Variants in ZNF423 observed in about 807,000 individuals in gnomAD.
The protein encoded by ZNF423 is zinc finger protein 423, also known as Ebf-associated zinc finger protein.
A neutral mutation model predicts 95.8 loss-of-function variants in ZNF423; 12 were observed. That is an observed-to-expected ratio of 0.13 (90% CI 0.08 to 0.20). The LOEUF (loss-of-function observed/expected upper bound fraction) is 0.20. Ranked by LOEUF, ZNF423 falls within the 10% of genes least tolerant of loss-of-function variation. The probability of loss-of-function intolerance (pLI) is 1.00; values close to 1 mark genes in which losing one functional copy is unlikely to be tolerated. For missense variants in ZNF423, 1,316 were observed against 1,737.1 expected, an observed-to-expected ratio of 0.76 and a Z score of 4.31; for synonymous variants, 749 against 711.9, an observed-to-expected ratio of 1.05 and a Z score of -0.83.
intron 1 of ZNF423, among the ~76,000 whole-genome samples, chr16:49,851,725 A>G (rs1388416675): frequency 6.6e-6 from 1 of 152,184 alleles, no homozygotes; most frequent in Non-Finnish European, 1.5e-5. Flanking sequence ...TTAACCGTTT[A>G]GCAGGATTCC....
chr16:49,798,191 T>C (rs894829986), intron 1 of ZNF423, among the ~76,000 whole-genome samples: 2 of 151,974 alleles, frequency 1.3e-5, no homozygotes, highest in East Asian at 1.9e-4. Context: ...GCCTGGGTGA[T>C]ACAGCAAGAC....
intron 7 of ZNF423, among the ~76,000 whole-genome samples, chr16:49,522,673 C>G (rs1261702462): frequency 6.6e-6 from 1 of 152,018 alleles, no homozygotes; most frequent in Non-Finnish European, 1.5e-5. Flanking sequence ...TTTGGGGGTG[C>G]AGTGTTGTGC....
chr16:49,656,887 C>T (rs2029900735), intron 3 of ZNF423, among the ~76,000 whole-genome samples: 1 of 152,148 alleles, frequency 6.6e-6, no homozygotes. Context: ...AAAACTGAGG[C>T]TTATAAAGGT....
chr16:49,517,492 G>A (rs12051465), intron 7 of ZNF423, among the ~76,000 whole-genome samples: 1 of 151,808 alleles, frequency 6.6e-6, no homozygotes, highest in African/African-American at 2.4e-5. Context: ...AGGTCAGACT[G>A]GATCCCCTAC....
intron 7 of ZNF423, among the ~76,000 whole-genome samples, chr16:49,494,506 G>T (rs1411600776): frequency 6.6e-6 from 1 of 152,214 alleles, no homozygotes; most frequent in Admixed American, 6.5e-5. Context: ...CGAGGGGCCT[G>T]ATTTAGAGGG....
chr16:49,834,296 C>T (rs1166587717), intron 1 of ZNF423, among the ~76,000 whole-genome samples: 2 of 150,052 alleles, frequency 1.3e-5, no homozygotes, highest in Non-Finnish European at 3.0e-5. Context: ...GAACACAGTG[C>T]TGTGACAATA....
upstream of ZNF423, among the ~76,000 whole-genome samples, chr16:49,859,217 T>G (rs2035405081): frequency 6.6e-6 from 1 of 150,846 alleles, no homozygotes; most frequent in African/African-American, 2.4e-5. Context: ...AGGACGGAGG[T>G]GGGGGCAACA....
chr16:49,582,259 C>A (rs1970698102), intron 5 of ZNF423, among the ~76,000 whole-genome samples: 1 of 152,180 alleles, frequency 6.6e-6, no homozygotes, highest in South Asian at 2.1e-4. Flanking sequence ...CTTCTCATCC[C>A]CCATGGCTTC....
intron 5 of ZNF423, among the ~76,000 whole-genome samples, chr16:49,579,351 G>A (rs1316143781): frequency 6.6e-6 from 1 of 151,834 alleles, no homozygotes; most frequent in Non-Finnish European, 1.5e-5. Flanking sequence ...GACCACACTA[G>A]GGCCCTCAGG....
At chr16:49,599,719 AC>A (rs1009922081) in intron 5 of ZNF423, among the ~76,000 whole-genome samples, 1 of 152,092 alleles carries the variant, frequency 6.6e-6, no homozygotes, top group Non-Finnish European at 1.5e-5. Context: ...GATGGATCTC[AC>A]CAACTAAATG....
chr16:49,840,136 A>C (rs2144090013), intron 1 of ZNF423, among the ~76,000 whole-genome samples: 1 of 152,246 alleles, frequency 6.6e-6, no homozygotes, highest in East Asian at 1.9e-4. Context: ...TGAAACCTAA[A>C]CCGTGCCCCA....
intron 1 of ZNF423, chr16:49,853,913 C>G: frequency 2.0e-6 from 2 of 985,374 alleles, no homozygotes; most frequent in Non-Finnish European, 2.4e-6. Context: ...AAATCAACTG[C>G]CTGAGTTAAA....
rs569611629 is a variant in ZNF423, at chr16:49,557,883, T to G, written c.3602-32389A>C. Among the ~76,000 whole-genome samples the G allele has an allele frequency of 3.9e-5, 6 of 152,106 alleles. No homozygotes were observed. In the South Asian group the frequency reaches 1.2e-3, roughly 32 times the overall value. The stretch of plus-strand genomic sequence containing the variant: ...TCAATTCAATTCTGGCAGCCAGATC[T>G]AGAGAAGGAGTCTGGGCCTGGGCAC... On this transcript the variant is annotated intron_variant, in intron 5 of 7. Transcript: ENST00000563137.
At position 49,853,297 on chromosome 16, in the gene ZNF423, G is replaced by A. The variant is rs1180298994; in HGVS notation, c.40+2438C>T. On this transcript the variant is annotated intron_variant, in intron 1 of 7. Coordinates refer to ENST00000563137, the MANE Select transcript of ZNF423 (RefSeq NM_001379286.1). ...TTGAATATTGCTTAAGAGAAGGGGC[G>A]GGGCGGGGGGGGAGCAGTTCTTGAA... 5.5e-5 allele frequency among the ~76,000 whole-genome samples: 8 copies of A among 146,640 alleles called. 1 individual carries two copies. The South Asian group carries it at 6.7e-4, about 12-fold the overall frequency.
chr16:49,507,362 G>A (rs762052865), intron 7 of ZNF423, among the ~76,000 whole-genome samples: 3 of 151,802 alleles, frequency 2.0e-5, no homozygotes, highest in Admixed American at 6.6e-5. Flanking sequence ...TCAAACTCTT[G>A]ACCTCAAGCC....
chr16:49,745,782 C>T (rs896648785), intron 2 of ZNF423, among the ~76,000 whole-genome samples: 4 of 152,078 alleles, frequency 2.6e-5, no homozygotes, highest in Admixed American at 1.3e-4. Context: ...GATGCCTTGC[C>T]GCTGACCCCC....
At chr16:49,779,267 G>A (rs1259401116) in intron 2 of ZNF423, among the ~76,000 whole-genome samples, 1 of 151,832 alleles carries the variant, frequency 6.6e-6, no homozygotes, top group African/African-American at 2.4e-5. Context: ...CCAAGCAGAG[G>A]GCAGCGGGAG....
At chr16:49,773,192 G>T (rs973151592) in intron 2 of ZNF423, among the ~76,000 whole-genome samples, 3 of 152,130 alleles carry the variant, frequency 2.0e-5, no homozygotes, top group Non-Finnish European at 4.4e-5. Flanking sequence ...GGTGGTGGGT[G>T]CCTGTAATCC....
At chr16:49,689,566 G>A (rs987171944) in intron 3 of ZNF423, among the ~76,000 whole-genome samples, 4 of 152,098 alleles carry the variant, frequency 2.6e-5, no homozygotes, top group African/African-American at 7.2e-5. Context: ...CCAGGAGGTC[G>A]AGGGGTGTCA....
Sources: allele counts gnomAD v4.1 joint callset (sites outside exome capture counted in the v4.1 genomes callset), GRCh38; gene constraint gnomAD v4.1.1; transcripts MANE v1.5; gene names NCBI Gene and HGNC (gene_info 2026-07-23, HGNC 2026-07-21).